The following GRM7 variants were observed in gnomAD, a reference collection of about 807,000 sequenced individuals.
The protein encoded by GRM7 is metabotropic glutamate receptor 7.
GRM7 carries 35 observed loss-of-function variants against 84.5 expected under a neutral mutation model. That is an observed-to-expected ratio of 0.41 (90% CI 0.32 to 0.55). The LOEUF (loss-of-function observed/expected upper bound fraction) is 0.55. Ranked by LOEUF, GRM7 falls within the 20% of genes least tolerant of loss-of-function variation. The probability of loss-of-function intolerance (pLI) is 0.19; values close to 1 mark genes in which losing one functional copy is unlikely to be tolerated. For missense variants in GRM7, 1,003 were observed against 1,194.6 expected (o/e 0.84, Z 2.36); for synonymous variants, 487 against 455.1 (o/e 1.07, Z -0.89).
At chr3:7,047,164 A>G (rs1696835678) in intron 1 of GRM7, among the ~76,000 whole-genome samples, 1 of 151,946 alleles carries the variant, frequency 6.6e-6, no homozygotes, top group African/African-American at 2.4e-5. Flanking sequence ...GTTGGAAAAT[A>G]ATTCATTGTT....
At chr3:7,015,245 C>A (rs753632812) in intron 1 of GRM7, among the ~76,000 whole-genome samples, 43 of 151,954 alleles carry the variant, frequency 2.8e-4, no homozygotes, top group Non-Finnish European at 4.9e-4. Context: ...GTCCCTGCCA[C>A]CTTTAAGAGC....
rs1693583589 is a variant in GRM7 at position 7,131,125 on chromosome 3, A to G, written c.520-15327A>G. Among the ~76,000 whole-genome samples the G allele has an allele frequency of 2.6e-5, 4 of 152,304 alleles. No individual in the cohort carries two copies. The South Asian group carries it at 8.3e-4, about 32-fold the overall frequency. ...CAGGAGCTAGGAAGGACTGACAAAAAAAATAGGCAAATGCTCAGCTTTGCT... is the reference window on the plus strand; with the variant it reads ...CAGGAGCTAGGAAGGACTGACAAAAGAAATAGGCAAATGCTCAGCTTTGCT... On this transcript the variant is annotated intron_variant, in intron 1 of 9. Coordinates refer to ENST00000357716, the MANE Select transcript of GRM7 (RefSeq NM_000844.4).
chr3:7,255,612 T>C (rs186738759), intron 2 of GRM7, among the ~76,000 whole-genome samples: 156 of 152,332 alleles, frequency 1.0e-3, no homozygotes, highest in Middle Eastern at 6.8e-3. Flanking sequence ...AAAACAATCA[T>C]TCTGCTCATT....
intron 1 of GRM7, among the ~76,000 whole-genome samples, chr3:7,054,008 G>T (rs1324895246): frequency 1.3e-5 from 2 of 150,694 alleles, no homozygotes; most frequent in Admixed American, 1.3e-4. Flanking sequence ...TCAATATTTT[G>T]TAATTTTTGT....
intron 1 of GRM7, among the ~76,000 whole-genome samples, chr3:7,084,937 C>A (rs1325439209): frequency 6.6e-6 from 1 of 152,138 alleles, no homozygotes; most frequent in Non-Finnish European, 1.5e-5. Flanking sequence ...AATAGAATCT[C>A]TTAAATGACT....
At chr3:7,643,250 G>A (rs948785794) in intron 8 of GRM7, among the ~76,000 whole-genome samples, 3 of 150,614 alleles carry the variant, frequency 2.0e-5, no homozygotes, top group African/African-American at 7.4e-5. Flanking sequence ...ATGATCTTAA[G>A]CATATTTCTT....
At chr3:7,163,677 T>C (rs1045276737) in intron 2 of GRM7, among the ~76,000 whole-genome samples, 1 of 152,140 alleles carries the variant, frequency 6.6e-6, no homozygotes, top group African/African-American at 2.4e-5. Context: ...GGAGGGGATA[T>C]TTAAATAAAG....
rs78378180 is a variant in GRM7 at position 7,492,621 on chromosome 3, C to T, written c.1515+30899C>T. ...TATATGAGTTTTGTGATAATTCTAT[C>T]TATTTTATATTTTTTAAGAGCTGAC... is the stretch of plus-strand genomic sequence containing the variant. On this transcript the variant is annotated intron_variant, in intron 7 of 9. Coordinates refer to ENST00000357716, the MANE Select transcript of GRM7 (RefSeq NM_000844.4). Among the ~76,000 whole-genome samples, 661 of 152,156 alleles carry T rather than the reference C, an allele frequency of 4.3e-3. 2 individuals carry two copies. The highest frequency in any genetic ancestry group is 0.027 in the Middle Eastern group (8 of 294).
intron 1 of GRM7, among the ~76,000 whole-genome samples, chr3:6,996,226 T>C (rs557786805): frequency 1.7e-4 from 26 of 152,198 alleles, no homozygotes; most frequent in Middle Eastern, 3.4e-3. Context: ...ATTTTTGTAT[T>C]TTAAGTAGAG....
intron 5 of GRM7, among the ~76,000 whole-genome samples, chr3:7,432,569 G>A (rs997822942): frequency 6.6e-5 from 10 of 151,542 alleles, no homozygotes; most frequent in South Asian, 6.2e-4. Flanking sequence ...CAATCTTCCC[G>A]CCTGTGCCTC....
chr3:7,530,524 C>T (rs1700996203), intron 7 of GRM7, among the ~76,000 whole-genome samples: 1 of 152,174 alleles, frequency 6.6e-6, no homozygotes, highest in African/African-American at 2.4e-5. Context: ...GCCACACTGT[C>T]TTCCACAATG....
At chr3:6,984,011 G>A (rs935635730) in intron 1 of GRM7, among the ~76,000 whole-genome samples, 4 of 152,152 alleles carry the variant, frequency 2.6e-5, no homozygotes, top group Admixed American at 6.5e-5. Context: ...GCCAGGCATA[G>A]GACATTGACA....
chr3:7,405,880 A>G (rs1695653988), intron 4 of GRM7, among the ~76,000 whole-genome samples: 1 of 152,036 alleles, frequency 6.6e-6, no homozygotes, highest in South Asian at 2.1e-4. Flanking sequence ...ACATCATCTA[A>G]TATGTCAACA....
rs529319613 is a variant in GRM7, at chr3:7,502,271, C to T, written c.1515+40549C>T. ...TAAAAGGAATTGTGTCCAGTTCCCT[C>T]AACATTATGTTCATTTATATTTGGA... On this transcript the variant is annotated intron_variant, in intron 7 of 9. Transcript: ENST00000357716. Among the ~76,000 whole-genome samples the T allele has an allele frequency of 7.3e-4, 111 of 152,150 alleles. 1 individual carries two copies. Among genetic ancestry groups the T allele is most frequent in the Non-Finnish European group, 1.4e-3 (92 of 68,016 alleles).
intron 1 of GRM7, among the ~76,000 whole-genome samples, chr3:6,923,140 G>C (rs565348559): frequency 1.3e-5 from 2 of 151,780 alleles, no homozygotes; most frequent in Admixed American, 6.6e-5. Context: ...TCAGCTTCCC[G>C]AGTAGCTGGG....
At chr3:7,238,304 G>T (rs1209100339) in intron 2 of GRM7, among the ~76,000 whole-genome samples, 1 of 152,076 alleles carries the variant, frequency 6.6e-6, no homozygotes. Flanking sequence ...CATCACATTT[G>T]CTTCTGCTCT....
chr3:7,625,215 C>T (rs887606595), intron 8 of GRM7, among the ~76,000 whole-genome samples: 2 of 152,170 alleles, frequency 1.3e-5, no homozygotes, highest in Middle Eastern at 3.4e-3. Flanking sequence ...GTACTGAGGC[C>T]AGCAATGCGG....
rs182493954 is a variant in GRM7, at chr3:7,355,897, A to C, written c.1033+49245A>C. Among the ~76,000 whole-genome samples the C allele has an allele frequency of 2.1e-3, 325 of 152,172 alleles. 4 individuals are homozygous for C. Among genetic ancestry groups the C allele is most frequent in the Middle Eastern group, 0.014 (4 of 294 alleles). ...AGGTTCCTAGATCAGCTGACAGAGA[A>C]AGGGAAGACTCGGTTTCTTGTTTAC... On this transcript the variant is annotated intron_variant, in intron 4 of 9. Transcript: ENST00000357716.
chr3:7,642,779 T>C (rs189030638), intron 8 of GRM7, among the ~76,000 whole-genome samples: 5 of 152,272 alleles, frequency 3.3e-5, no homozygotes, highest in Admixed American at 3.3e-4. Context: ...AATTACAAGG[T>C]AGACATTCAG....
Sources: gnomAD v4.1 joint callset for allele counts (sites outside exome capture counted in the v4.1 genomes callset) on GRCh38, gnomAD v4.1.1 for gene constraint, MANE v1.5 for transcripts, NCBI Gene and HGNC (gene_info 2026-07-23, HGNC 2026-07-21) for gene names.